PRKAG2: variants seen among roughly 807,000 people sequenced by gnomAD.
PRKAG2 encodes the protein protein kinase AMP-activated non-catalytic subunit gamma 2, also known as 5'-AMP-activated protein kinase subunit gamma-2.
Under a neutral mutation model 69.6 loss-of-function variants are expected in PRKAG2, and 26 were observed. That is an observed-to-expected ratio of 0.37 (90% confidence interval 0.27 to 0.52). The LOEUF (loss-of-function observed/expected upper bound fraction) is 0.52. Among genes scored for constraint, PRKAG2 ranks in the 20% least tolerant of loss-of-function variants. The probability of loss-of-function intolerance (pLI) is 0.90; values close to 1 mark genes in which losing one functional copy is unlikely to be tolerated. For missense variants in PRKAG2, 557 were observed against 740.0 expected (o/e 0.75, Z 2.87); for synonymous variants, 293 against 285.0 (o/e 1.03, Z -0.28).
At chr7:151,854,842 C>T (rs1349502999) in intron 1 of PRKAG2, among the ~76,000 whole-genome samples, 1 of 152,072 alleles carries the variant, frequency 6.6e-6, no homozygotes, top group African/African-American at 2.4e-5. Context: ...CACATCTGAG[C>T]AGAGGGATGG....
chr7:151,675,548 G>T lies in PRKAG2; in HGVS notation c.556C>A (p.Arg186=), dbSNP rs200392688. The change falls in exon 4 of 16, where the codon CGG becomes AGG. Residue 186 remains arginine, a synonymous_variant. Coordinates refer to ENST00000287878, the MANE Select transcript of PRKAG2 (RefSeq NM_016203.4). ...GAGGCATAGATGCGATTCTCTAACC[G>T]TTCAGGCTCGTGCTTATAGGATTCC... The part of the protein sequence containing the change: ...PLESYKHEPE[R]LENRIYASSS... 1.2e-6 allele frequency: 2 copies of T among 1,614,098 alleles called. No homozygotes were observed. Among genetic ancestry groups the T allele is most frequent in the East Asian group, 2.2e-5 (1 of 44,880 alleles).
intron 7 of PRKAG2, among the ~76,000 whole-genome samples, chr7:151,575,690 A>T (rs1045149001): frequency 6.6e-6 from 1 of 152,136 alleles, no homozygotes; most frequent in African/African-American, 2.4e-5. Context: ...GGGCCCAGGG[A>T]TGCCATATGC....
At chr7:151,683,174 G>C (rs1834144057) in intron 3 of PRKAG2, among the ~76,000 whole-genome samples, 1 of 152,238 alleles carries the variant, frequency 6.6e-6, no homozygotes, top group South Asian at 2.1e-4. Flanking sequence ...CACCACGAAA[G>C]GGGGTCCAGA....
chr7:151,823,310 T>C (rs1002229305), intron 1 of PRKAG2, among the ~76,000 whole-genome samples: 4 of 152,098 alleles, frequency 2.6e-5, no homozygotes, highest in Non-Finnish European at 4.4e-5. Context: ...GTTTTAATGA[T>C]TTTAAAAGAA....
At chr7:151,832,989 T>C (rs2079072357) in intron 1 of PRKAG2, among the ~76,000 whole-genome samples, 1 of 152,056 alleles carries the variant, frequency 6.6e-6, no homozygotes, top group African/African-American at 2.4e-5. Context: ...GCAGATCAGG[T>C]GTCTGAGGTT....
intron 1 of PRKAG2, among the ~76,000 whole-genome samples, chr7:151,831,308 C>G (rs567104254): frequency 1.8e-4 from 27 of 152,300 alleles, no homozygotes; most frequent in African/African-American, 6.3e-4. Context: ...CAACATTATT[C>G]ATAATAGCCA....
At chr7:151,689,239 G>T (rs924498972) in intron 3 of PRKAG2, among the ~76,000 whole-genome samples, 6 of 152,116 alleles carry the variant, frequency 3.9e-5, no homozygotes, top group African/African-American at 7.2e-5. Flanking sequence ...CTCCTGGGGG[G>T]CTCCAGTGGC....
In PRKAG2 at chr7:151,786,507, C is replaced by A; in HGVS notation, c.149G>T (p.Gly50Val). The A allele has an allele frequency of 6.2e-7, 1 of 1,613,072 alleles. No homozygotes were observed. ...LSSFAMPLLD[G>V]DLEGSGKHSS... ...ATGCTTTCCGGAACCCTCCAGGTCT[C>A]CGTCCAGGAGCGGCATGGCGAAGGA... The change falls in exon 2 of 16, where the codon GGA (glycine) becomes GTA (valine). Residue 50 changes from glycine to valine, a missense_variant. Physicochemically the swap from Gly to Val is moderately radical, Grantham distance 109. Around this residue, in one of 2 missense-constraint regions of PRKAG2, gnomAD observed 352 missense variants for 356.7 expected, o/e 0.99. Coordinates refer to ENST00000287878, the MANE Select transcript of PRKAG2 (RefSeq NM_016203.4).
chr7:151,572,076 G>C (rs140172255), intron 9 of PRKAG2, among the ~76,000 whole-genome samples: 7 of 152,146 alleles, frequency 4.6e-5, no homozygotes, highest in African/African-American at 1.7e-4. Flanking sequence ...CATGAAATGC[G>C]AATTTAAGAA....
intron 5 of PRKAG2, among the ~76,000 whole-genome samples, chr7:151,596,004 T>C (rs1814418293): frequency 6.6e-6 from 1 of 151,448 alleles, no homozygotes; most frequent in Non-Finnish European, 1.5e-5. Flanking sequence ...ACCCAGTTTC[T>C]ACAAAACTAA....
chr7:151,727,757 T>C (rs1375192640), intron 3 of PRKAG2, among the ~76,000 whole-genome samples: 2 of 152,182 alleles, frequency 1.3e-5, no homozygotes, highest in Non-Finnish European at 2.9e-5. Flanking sequence ...TCAGGCCCTG[T>C]ATCCCCTGGG....
At chr7:151,734,730 T>C (rs1015931052) in intron 3 of PRKAG2, among the ~76,000 whole-genome samples, 12 of 152,110 alleles carry the variant, frequency 7.9e-5, no homozygotes, top group African/African-American at 2.7e-4. Flanking sequence ...TTAAATTTTT[T>C]TGTAGAGAGA....
chr7:151,636,845 C>T (rs1049489810), intron 4 of PRKAG2, among the ~76,000 whole-genome samples: 1 of 152,198 alleles, frequency 6.6e-6, no homozygotes, highest in African/African-American at 2.4e-5. Flanking sequence ...GCTGGGACTA[C>T]AGGTGCGCAC....
intron 1 of PRKAG2, among the ~76,000 whole-genome samples, chr7:151,799,879 G>T (rs1211431540): frequency 6.6e-6 from 1 of 152,128 alleles, no homozygotes; most frequent in Non-Finnish European, 1.5e-5. Context: ...ACCTCACACC[G>T]GCCAAAATCC....
At chr7:151,764,731 G>C (rs1299465796) in intron 3 of PRKAG2, among the ~76,000 whole-genome samples, 1 of 152,278 alleles carries the variant, frequency 6.6e-6, no homozygotes, top group Non-Finnish European at 1.5e-5. Context: ...GGCAGAGCCA[G>C]GAGGTGGGGG....
chr7:151,864,266 G>C (rs1429288557), intron 1 of PRKAG2, among the ~76,000 whole-genome samples: 1 of 152,240 alleles, frequency 6.6e-6, no homozygotes, highest in African/African-American at 2.4e-5. Context: ...ACCAGCCAGG[G>C]TGGGACTCCT....
Position 151,876,713 on chromosome 7 carries a change from G to T in PRKAG2, c.-93C>A. The T allele has an allele frequency of 8.1e-7, 1 of 1,228,396 alleles. No individual in the cohort carries two copies. The highest frequency in any genetic ancestry group is 1.2e-6 in the Non-Finnish European group (1 of 857,314). 76.1% of individuals were successfully genotyped at this position (1,228,396 alleles called of 1,614,324 possible). A position where few individuals can be genotyped will look rare whatever the true frequency, so the allele number is the denominator to read the frequency against. Reference sequence around the variant, plus strand: ...CGCTGCCTTCGGACTGGAGCCGCGCGCTCTGTTACACCCTGAAGCCACCTC... The same window carrying T: ...CGCTGCCTTCGGACTGGAGCCGCGCTCTCTGTTACACCCTGAAGCCACCTC... On this transcript the variant is annotated 5_prime_UTR_variant, in exon 1 of 16. Coordinates refer to ENST00000287878, the MANE Select transcript of PRKAG2 (RefSeq NM_016203.4).
At chr7:151,741,142 G>A (rs2073856972) in intron 3 of PRKAG2, among the ~76,000 whole-genome samples, 1 of 151,988 alleles carries the variant, frequency 6.6e-6, no homozygotes, top group Non-Finnish European at 1.5e-5. Context: ...GAGCCCGGGA[G>A]GTCCAGGCTC....
At position 151,598,634 on chromosome 7, in the gene PRKAG2, GA is replaced by G. The variant is rs144278016; in HGVS notation, c.755-3181del. Among the ~76,000 whole-genome samples, 40 of 150,726 alleles carry G rather than the reference GA, an allele frequency of 2.7e-4. No homozygotes were observed. The South Asian group carries it at 4.4e-3, about 17-fold the overall frequency. ...AAGTACAATAAAGCAAATGCAAATA[GA>G]AAAAAAAGGCTACTATATTTGTATC... On this transcript the variant is annotated intron_variant, in intron 5 of 15. Transcript: ENST00000287878.
Sources: allele counts gnomAD v4.1 joint callset (sites outside exome capture counted in the v4.1 genomes callset), GRCh38; gene constraint gnomAD v4.1.1; regional missense constraint gnomAD v4.1.1; transcripts MANE v1.5; gene names NCBI Gene and HGNC (gene_info 2026-07-23, HGNC 2026-07-21).